Variants in FAM241A observed in about 807,000 individuals in gnomAD.
FAM241A encodes family with sequence similarity 241 member A.
In FAM241A, 7 loss-of-function variants were observed where a neutral mutation model predicts 12.2. That is an observed-to-expected ratio of 0.58 (90% confidence interval 0.33 to 1.08). The LOEUF is 1.08. Ranked by LOEUF, FAM241A falls within the 50% of genes least tolerant of loss-of-function variation. The pLI is 0.04. For missense variants in FAM241A, 161 were observed against 169.7 expected, an observed-to-expected ratio of 0.95 and a Z score of 0.29; for synonymous variants, 74 against 68.2, an observed-to-expected ratio of 1.08 and a Z score of -0.42.
intron 1 of FAM241A, among the ~76,000 whole-genome samples, chr4:112,147,778 A>C (rs1560578416): frequency 6.6e-6 from 1 of 152,188 alleles, no homozygotes; most frequent in Non-Finnish European, 1.5e-5. Context: ...TTGGTTTCTA[A>C]GTTAATGATT....
chr4:112,155,929 G>A lies in FAM241A; in HGVS notation c.153+10196G>A, dbSNP rs561861854. 9.9e-5 allele frequency among the ~76,000 whole-genome samples: 15 copies of A among 152,232 alleles called. No individual in the cohort carries two copies. The South Asian group carries it at 1.2e-3, about 13-fold the overall frequency. ...ACTATTATTGCCCCTACTTTAAGAT[G>A]TACAAATTGGAGAGCAAGGAGGTTA... On this transcript the variant is annotated intron_variant, in intron 1 of 1. Transcript: ENST00000309733.
Position 112,145,738 on chromosome 4 carries a change from G to A in FAM241A, c.153+5G>A. On this transcript the variant is annotated splice_donor_5th_base_variant and intron_variant, in intron 1 of 1. Transcript: ENST00000309733. ...CGGCCGAAGGAGAGCGAGCAGGTGA[G>A]CGCGGGGAGGGGCGGCGGCGAAGCG... 8.4e-7 allele frequency: 1 copy of A among 1,188,266 alleles called. No homozygotes were observed. Among genetic ancestry groups the A allele is most frequent in the South Asian group, 4.2e-5 (1 of 23,992 alleles). The allele number at this position is 1,188,266 out of a possible 1,614,324, so 73.6% of individuals were successfully genotyped here.
chr4:112,186,644 A>G lies in FAM241A; in HGVS notation c.154-49A>G, dbSNP rs373004886. The G allele has an allele frequency of 2.3e-5, 36 of 1,547,578 alleles. 2 individuals are homozygous for G. The Admixed American group carries it at 3.5e-4, about 15-fold the overall frequency. On this transcript the variant is annotated intron_variant, in intron 1 of 1. Transcript: ENST00000309733. The stretch of plus-strand genomic sequence containing the variant: ...AACTAAGGTTCTTAAAGACGTTTAC[A>G]TATTTCTCATGTTATGTTCATGTTT...
intron 1 of FAM241A, among the ~76,000 whole-genome samples, chr4:112,163,175 C>T (rs1416641738): frequency 6.6e-6 from 1 of 152,182 alleles, no homozygotes; most frequent in Non-Finnish European, 1.5e-5. Context: ...GGATTAAAGA[C>T]TTAAATATTA....
At chr4:112,165,016 G>A (rs1200769223) in intron 1 of FAM241A, among the ~76,000 whole-genome samples, 1 of 152,196 alleles carries the variant, frequency 6.6e-6, no homozygotes, top group Admixed American at 6.5e-5. Context: ...AGAATCACCT[G>A]AGCCTAGGAG....
Position 112,189,104 on chromosome 4 carries a change from G to C in FAM241A, c.*2166G>C, listed in dbSNP as rs1724105991. On this transcript the variant is annotated 3_prime_UTR_variant, in exon 2 of 2. Transcript: ENST00000309733. ...GTTCATGGTATAAAGAATTAGATTG[G>C]GCCGGGCGCGGTGGCTCACGCCTGT... The C allele has an allele frequency of 6.6e-6, 1 of 151,926 alleles. No homozygotes were observed. Among genetic ancestry groups the C allele is most frequent in the African/African-American group, 2.4e-5 (1 of 41,346 alleles). The allele number at this position is 151,926 out of a possible 1,614,324, so 9.4% of individuals were successfully genotyped here.
chr4:112,159,382 GA>G (rs1723416634), intron 1 of FAM241A, among the ~76,000 whole-genome samples: 1 of 152,124 alleles, frequency 6.6e-6, no homozygotes, highest in Admixed American at 6.5e-5. Flanking sequence ...AAGATAGGAG[GA>G]AAAAGTAAAT....
intron 1 of FAM241A, among the ~76,000 whole-genome samples, chr4:112,160,161 C>T (rs1431394947): frequency 6.6e-6 from 1 of 152,140 alleles, no homozygotes; most frequent in African/African-American, 2.4e-5. Context: ...AATCCCAGCA[C>T]TTTGGGAGGC....
chr4:112,146,098 A>G (rs1014898295), intron 1 of FAM241A, among the ~76,000 whole-genome samples: 2 of 151,910 alleles, frequency 1.3e-5, no homozygotes, highest in Non-Finnish European at 2.9e-5. Context: ...TTCTTTTTCA[A>G]CTTCGAGTCC....
At chr4:112,158,688 G>A (rs1723401771) in intron 1 of FAM241A, among the ~76,000 whole-genome samples, 1 of 152,010 alleles carries the variant, frequency 6.6e-6, no homozygotes, top group African/African-American at 2.4e-5. Flanking sequence ...TATTTTTATT[G>A]TTATTCTTAT....
At chr4:112,146,189 T>G (rs1023433345) in intron 1 of FAM241A, among the ~76,000 whole-genome samples, 1 of 152,136 alleles carries the variant, frequency 6.6e-6, no homozygotes, top group Non-Finnish European at 1.5e-5. Context: ...CTAGCGTGTC[T>G]GGAAGGTGTG....
Position 112,192,145 on chromosome 4 carries a change from T to C in FAM241A, c.*5207T>C, listed in dbSNP as rs1356714486. 6.6e-6 allele frequency: 1 copy of C among 152,174 alleles called. No homozygotes were observed. Among genetic ancestry groups the C allele is most frequent in the Non-Finnish European group, 1.5e-5 (1 of 68,026 alleles). The allele number at this position is 152,174 out of a possible 1,614,324, so 9.4% of individuals were successfully genotyped here. A position where few individuals can be genotyped will look rare whatever the true frequency, so the allele number is the denominator to read the frequency against. On this transcript the variant is annotated 3_prime_UTR_variant, in exon 2 of 2. Transcript: ENST00000309733. ...CTGATAAAAGAATACTGCTGTTATT[T>C]GGATACATACACAGTATTTCCACTA... is the stretch of plus-strand genomic sequence containing the variant.
intron 1 of FAM241A, among the ~76,000 whole-genome samples, chr4:112,157,371 A>G (rs1723375593): frequency 1.3e-5 from 2 of 152,164 alleles, no homozygotes; most frequent in African/African-American, 4.8e-5. Context: ...CTCAAAGACC[A>G]TGAAGATTAA....
At chr4:112,175,462 C>T (rs576954828) in intron 1 of FAM241A, among the ~76,000 whole-genome samples, 17 of 152,162 alleles carry the variant, frequency 1.1e-4, no homozygotes, top group South Asian at 2.1e-4. Context: ...GTTACATTTA[C>T]GTTCCCAAGA....
intron 1 of FAM241A, among the ~76,000 whole-genome samples, chr4:112,175,171 G>A (rs902914078): frequency 7.9e-5 from 12 of 152,044 alleles, no homozygotes; most frequent in East Asian, 5.8e-4. Context: ...ATTGGCTTAC[G>A]TTATGAAAAA....
intron 1 of FAM241A, among the ~76,000 whole-genome samples, chr4:112,149,861 C>T (rs1336830422): frequency 1.3e-5 from 2 of 151,978 alleles, no homozygotes; most frequent in Admixed American, 6.6e-5. Context: ...CTTATTTTCA[C>T]ATTGGCTGTA....
chr4:112,180,055 A>G (rs1051109562), intron 1 of FAM241A, among the ~76,000 whole-genome samples: 1 of 151,438 alleles, frequency 6.6e-6, no homozygotes, highest in Admixed American at 6.6e-5. Context: ...GTAGCAGTCA[A>G]CATGAATACA....
At chr4:112,177,010 G>A (rs1322614873) in intron 1 of FAM241A, among the ~76,000 whole-genome samples, 2 of 151,948 alleles carry the variant, frequency 1.3e-5, no homozygotes, top group Admixed American at 6.6e-5. Flanking sequence ...TTTTTTGTTT[G>A]TTGTCTTATT....
At chr4:112,161,532 C>T (rs1391641157) in intron 1 of FAM241A, among the ~76,000 whole-genome samples, 1 of 152,138 alleles carries the variant, frequency 6.6e-6, no homozygotes, top group Non-Finnish European at 1.5e-5. Flanking sequence ...CTATAAACAC[C>T]ACTACGCAAG....
Sources: gnomAD v4.1 joint callset for allele counts (sites outside exome capture counted in the v4.1 genomes callset) on GRCh38, gnomAD v4.1.1 for gene constraint, MANE v1.5 for transcripts, NCBI Gene and HGNC (gene_info 2026-07-23, HGNC 2026-07-21) for gene names.